DRD3: variants seen among roughly 807,000 people sequenced by gnomAD.
The protein encoded by DRD3 is D(3) dopamine receptor.
Under a neutral mutation model 36.3 loss-of-function variants are expected in DRD3, and 19 were observed. The observed-to-expected ratio is 0.52, with a 90% confidence interval of 0.36 to 0.77. The LOEUF (loss-of-function observed/expected upper bound fraction) is 0.77, where lower values mean the gene tolerates loss of function less well. Ranked by LOEUF, DRD3 falls within the 30% of genes least tolerant of loss-of-function variation. The probability of loss-of-function intolerance (pLI) is 0.00; values close to 1 mark genes in which losing one functional copy is unlikely to be tolerated. For synonymous variants in DRD3, 195 were observed against 203.7 expected, an observed-to-expected ratio of 0.96 and a Z score of 0.36; for missense variants, 465 against 505.3, an observed-to-expected ratio of 0.92 and a Z score of 0.77.
At chr3:114,170,211 C>A (rs2077826154) in intron 2 of DRD3, among the ~76,000 whole-genome samples, 1 of 152,140 alleles carries the variant, frequency 6.6e-6, no homozygotes, top group South Asian at 2.1e-4. Context: ...CCCCAAAAGT[C>A]CTCTCCCCAA....
chr3:114,176,810 A>C (rs2107892604), intron 1 of DRD3, among the ~76,000 whole-genome samples: 1 of 152,298 alleles, frequency 6.6e-6, no homozygotes, highest in African/African-American at 2.4e-5. Context: ...TGTAATTCGG[A>C]CTTGCTATAT....
chr3:114,189,455 A>G (rs2077992284), intron 1 of DRD3, among the ~76,000 whole-genome samples: 1 of 152,238 alleles, frequency 6.6e-6, no homozygotes, highest in Admixed American at 6.5e-5. Context: ...TGAAGTTGGA[A>G]TAAATAAATT....
intron 4 of DRD3, among the ~76,000 whole-genome samples, chr3:114,140,742 C>G (rs1268849733): frequency 6.6e-6 from 1 of 152,148 alleles, no homozygotes; most frequent in Non-Finnish European, 1.5e-5. Flanking sequence ...CCCTCTTTAC[C>G]ATTGTGACAT....
At position 114,128,267 on chromosome 3, in the gene DRD3, C is replaced by G. The variant is rs377601521; in HGVS notation, c.*449G>C. On this transcript the variant is annotated 3_prime_UTR_variant, in exon 7 of 7. Coordinates refer to ENST00000383673, the MANE Select transcript of DRD3 (RefSeq NM_000796.6). ...AAGAAATGACCAAGAGGAATGGGCC[C>G]GTAAAAGTACAAGGTTAGCCTGACA... Among the ~76,000 whole-genome samples the G allele has an allele frequency of 3.0e-4, 46 of 152,142 alleles. 1 individual carries two copies. In the South Asian group the frequency reaches 9.1e-3, roughly 30 times the overall value.
At chr3:114,182,256 G>C (rs62267154), upstream of DRD3, among the ~76,000 whole-genome samples, 21,887 of 152,190 alleles carry the variant, frequency 0.14, 1,859 homozygotes, top group Admixed American at 0.23. Flanking sequence ...CTGAGAAAGT[G>C]TTAGGTTTTA....
At chr3:114,170,958 C>A (rs2077834505) in intron 2 of DRD3, among the ~76,000 whole-genome samples, 1 of 152,018 alleles carries the variant, frequency 6.6e-6, no homozygotes, top group Non-Finnish European at 1.5e-5. Flanking sequence ...ATATGGTCAC[C>A]CTGATTTCTT....
chr3:114,161,475 A>T (rs917895705), intron 2 of DRD3, among the ~76,000 whole-genome samples: 5 of 152,084 alleles, frequency 3.3e-5, no homozygotes, highest in African/African-American at 1.2e-4. Flanking sequence ...TTCCCATTGG[A>T]TTTATTTCTT....
intron 1 of DRD3, among the ~76,000 whole-genome samples, chr3:114,197,306 A>G (rs1270550751): frequency 3.3e-5 from 4 of 119,404 alleles, no homozygotes; most frequent in African/African-American, 1.2e-4. Flanking sequence ...TTTTTTGTAG[A>G]GAAGAGGTCT....
intron 3 of DRD3, among the ~76,000 whole-genome samples, chr3:114,157,398 C>A (rs2077692032): frequency 6.6e-6 from 1 of 152,094 alleles, no homozygotes; most frequent in Admixed American, 6.6e-5. Flanking sequence ...TTGCCCCATA[C>A]CCTTCTCATG....
intron 1 of DRD3, among the ~76,000 whole-genome samples, chr3:114,184,563 C>T (rs1269889222): frequency 6.6e-6 from 1 of 151,836 alleles, no homozygotes; most frequent in African/African-American, 2.4e-5. Context: ...CCTTTCATTT[C>T]ACCTTGTAGG....
At chr3:114,153,044 A>G (rs2107854760) in intron 3 of DRD3, among the ~76,000 whole-genome samples, 1 of 152,034 alleles carries the variant, frequency 6.6e-6, no homozygotes, top group Non-Finnish European at 1.5e-5. Context: ...GGTGTGGATG[A>G]CTCCGCTGAC....
intron 1 of DRD3, among the ~76,000 whole-genome samples, chr3:114,187,242 C>A (rs557623762): frequency 6.6e-6 from 1 of 152,120 alleles, no homozygotes; most frequent in African/African-American, 2.4e-5. Context: ...TTATTTTTGT[C>A]GTAAGTTGGG....
intron 4 of DRD3, among the ~76,000 whole-genome samples, chr3:114,146,630 C>G (rs2077571909): frequency 6.8e-6 from 1 of 146,276 alleles, no homozygotes; most frequent in Non-Finnish European, 1.5e-5. Context: ...ACCCAGGAGG[C>G]AGAAGTTGCA....
At position 114,171,767 on chromosome 3, in the gene DRD3, A is replaced by G; in HGVS notation, c.226T>C (p.Leu76=). Residue 76 remains leucine (L), a synonymous_variant, in exon 2 of 7, where the codon TTG becomes CTG. Transcript: ENST00000383673. ...YLVVSLAVAD[L]LVATLVMPWV... is the part of the protein sequence containing the mutation. ...GGCATCACCAAGGTGGCCACCAGCA[A>G]GTCTGCCACAGCCAGGCTCACTACT... is the stretch of plus-strand genomic sequence containing the variant. 6.2e-7 allele frequency: 1 copy of G among 1,612,742 alleles called. No individual in the cohort carries two copies. Among genetic ancestry groups the G allele is most frequent in the Non-Finnish European group, 8.5e-7 (1 of 1,179,306 alleles).
chr3:114,190,411 A>AACATATATATAT (rs1368425474), intron 1 of DRD3, among the ~76,000 whole-genome samples: 1 of 40,870 alleles, frequency 2.4e-5, no homozygotes, highest in Non-Finnish European at 4.3e-5. Flanking sequence ...GAAAAAGGAT[A>AACATATATATAT]ATATATATAT....
chr3:114,171,857 C>T lies in DRD3; in HGVS notation c.136G>A (p.Gly46Ser), dbSNP rs199854203. Reference sequence around the variant, plus strand: ...ACAGCCATGCACACCAGGCCATTGCCGAAGACGATGGCCAGGATGAGCGCG... The same window carrying T: ...ACAGCCATGCACACCAGGCCATTGCTGAAGACGATGGCCAGGATGAGCGCG... ...YCALILAIVF[G>S]NGLVCMAVLK... Residue 46 changes from glycine (G) to serine (S), a missense_variant, in exon 2 of 7, where the codon GGC becomes AGC. Gly to Ser is a moderately conservative substitution (Grantham distance 56). Transcript: ENST00000383673. 14 of 1,613,584 alleles carry T rather than the reference C, an allele frequency of 8.7e-6. No individual in the cohort carries two copies. The highest frequency in any genetic ancestry group is 2.7e-5 in the African/African-American group (2 of 74,872).
chr3:114,186,628 C>T lies in DRD3; in HGVS notation c.-155-7852G>A, dbSNP rs188984214. ...GCTCCTGCAAGCTGCTCCCAGAATT[C>T]AGACATAGCTGTATGCCACATTGCT... On this transcript the variant is annotated intron_variant, in intron 1 of 7. Coordinates refer to the DRD3 transcript ENST00000460779. 1.3e-4 allele frequency among the ~76,000 whole-genome samples: 20 copies of T among 152,346 alleles called. 1 individual carries two copies. Among genetic ancestry groups the T allele is most frequent in the Admixed American group, 4.6e-4 (7 of 15,306 alleles).
intron 5 of DRD3, among the ~76,000 whole-genome samples, chr3:114,133,748 T>G (rs1276660721): frequency 6.6e-6 from 1 of 152,300 alleles, no homozygotes; most frequent in Non-Finnish European, 1.5e-5. Flanking sequence ...TTTTCATGTT[T>G]GAAGAATCAG....
intron 2 of DRD3, among the ~76,000 whole-genome samples, chr3:114,170,530 A>G (rs2077829271): frequency 6.6e-6 from 1 of 152,166 alleles, no homozygotes; most frequent in Admixed American, 6.5e-5. Context: ...TTCCTCAAGT[A>G]TTCCCTTAGC....
Sources: allele counts gnomAD v4.1 joint callset (sites outside exome capture counted in the v4.1 genomes callset), GRCh38; gene constraint gnomAD v4.1.1; transcripts MANE v1.5; gene names NCBI Gene and HGNC (gene_info 2026-07-23, HGNC 2026-07-21).